Variants in IMMT observed in about 807,000 individuals in gnomAD.
The protein encoded by IMMT is MICOS complex subunit MIC60.
Under a neutral mutation model 92.7 loss-of-function variants are expected in IMMT, and 40 were observed. That is an observed-to-expected ratio of 0.43 (90% confidence interval 0.34 to 0.56). The LOEUF (loss-of-function observed/expected upper bound fraction) is 0.56, where lower values mean the gene tolerates loss of function less well. IMMT is among the 20% of genes least tolerant of loss of function. The pLI is 0.03. For missense variants in IMMT, 831 were observed against 912.1 expected (o/e 0.91, Z 1.14); for synonymous variants, 322 against 336.1 (o/e 0.96, Z 0.46).
intron 6 of IMMT, 52 bp downstream of exon 6, chr2:86,170,697 G>C: frequency 1.7e-6 from 2 of 1,172,384 alleles, no homozygotes; most frequent in Admixed American, 2.0e-5. Flanking sequence ...TTTAAGAAGA[G>C]AGCAACTGGG....
chr2:86,153,459 T>G (rs369667658), intron 11 of IMMT, 101 bp downstream of exon 11: 1 of 613,236 alleles, frequency 1.6e-6, no homozygotes, highest in African/African-American at 1.9e-5. Context: ...TTATATCTAT[T>G]TAGATGGCTT....
In IMMT at chr2:86,166,770, T is replaced by C. The variant is rs950829312; in HGVS notation, c.656-126A>G. On this transcript the variant is annotated intron_variant, in intron 6 of 14. Coordinates refer to ENST00000410111, the MANE Select transcript of IMMT (RefSeq NM_006839.3). ...AAAATTTAAAAAGGAACAAAATACATGAGACTCAAATTTAGGGAATCAAAG... is the reference window on the plus strand; with the variant it reads ...AAAATTTAAAAAGGAACAAAATACACGAGACTCAAATTTAGGGAATCAAAG... 4.5e-6 allele frequency: 4 copies of C among 885,168 alleles called. No homozygotes were observed. The South Asian group carries it at 5.9e-5, about 13-fold the overall frequency. The allele number at this position is 885,168 out of a possible 1,614,324, so 54.8% of individuals were successfully genotyped here.
At chr2:86,154,773 C>G (rs1675730756) in intron 10 of IMMT, among the ~76,000 whole-genome samples, 1 of 152,188 alleles carries the variant, frequency 6.6e-6, no homozygotes, top group South Asian at 2.1e-4. Context: ...ACAAGTATCA[C>G]AAGTACCCAG....
intron 6 of IMMT, among the ~76,000 whole-genome samples, chr2:86,167,871 A>T (rs1001356582): frequency 9.9e-5 from 15 of 152,160 alleles, no homozygotes; most frequent in Non-Finnish European, 7.4e-5. Context: ...ATGTATTTCA[A>T]ATGGGAGAAA....
At chr2:86,145,981 T>TACATGTACTGACATCAGG in intron 14 of IMMT, 87 bp downstream of exon 14, 3 of 1,088,626 alleles carry the variant, frequency 2.8e-6, no homozygotes, top group Non-Finnish European at 3.8e-6. Flanking sequence ...CTGATGTCAG[T>TACATGTACTGACATCAGG]ACATGTACCC....
chr2:86,189,360 G>A (rs1260040906), intron 1 of IMMT, among the ~76,000 whole-genome samples: 5 of 151,712 alleles, frequency 3.3e-5, no homozygotes, highest in Admixed American at 6.6e-5. Flanking sequence ...TCAGCCTCCC[G>A]GGCAGCTGGG....
chr2:86,183,897 C>G (rs549344787), intron 1 of IMMT, among the ~76,000 whole-genome samples: 1 of 152,272 alleles, frequency 6.6e-6, no homozygotes, highest in Non-Finnish European at 1.5e-5. Flanking sequence ...TAATTGTTAA[C>G]CAGCCCCTAT....
At position 86,195,393 on chromosome 2, in the gene IMMT, C is replaced by G. The variant is rs1376791797; in HGVS notation, c.-11G>C. 3 of 1,547,698 alleles carry G rather than the reference C, an allele frequency of 1.9e-6. No homozygotes were observed. The highest frequency in any genetic ancestry group is 1.7e-4 in the Middle Eastern group (1 of 5,882). On this transcript the variant is annotated 5_prime_UTR_variant, in exon 1 of 15. Coordinates refer to ENST00000410111, the MANE Select transcript of IMMT (RefSeq NM_006839.3). ...ACAGGCCCGCAGCATCTCGGTCAAG[C>G]GGACGGCGCTGCTGGTGGACTCGAG...
chr2:86,152,790 C>G (rs1334567573), intron 11 of IMMT, among the ~76,000 whole-genome samples: 2 of 151,814 alleles, frequency 1.3e-5, no homozygotes, highest in Non-Finnish European at 2.9e-5. Flanking sequence ...TCCATCACTT[C>G]TTAGTCTTTT....
chr2:86,146,304 T>C, intron 13 of IMMT, 107 bp from the exon 14 acceptor site: 1 of 836,748 alleles, frequency 1.2e-6, no homozygotes, highest in African/African-American at 1.7e-5. Context: ...GGCCTTAGAG[T>C]TGTCACGAAA....
chr2:86,149,738 T>A (rs769262710), intron 12 of IMMT, among the ~76,000 whole-genome samples: 8 of 151,886 alleles, frequency 5.3e-5, no homozygotes, highest in Non-Finnish European at 8.8e-5. Context: ...ATTAGCCACA[T>A]GTGGTGGCAT....
intron 12 of IMMT, among the ~76,000 whole-genome samples, chr2:86,150,012 T>C (rs1387587261): frequency 1.3e-5 from 2 of 152,052 alleles, no homozygotes; most frequent in East Asian, 3.9e-4. Context: ...GTAGGATCTG[T>C]GGGGCAACTG....
chr2:86,146,294 G>A (rs2104532214), intron 13 of IMMT, 97 bp from the exon 14 acceptor site: 1 of 1,022,066 alleles, frequency 9.8e-7, no homozygotes, highest in East Asian at 2.5e-5. Context: ...AAGCAAAGAG[G>A]GCCTTAGAGT....
At chr2:86,182,536 A>G (rs893951203) in intron 1 of IMMT, among the ~76,000 whole-genome samples, 1 of 152,256 alleles carries the variant, frequency 6.6e-6, no homozygotes, top group Non-Finnish European at 1.5e-5. Flanking sequence ...CTGGTATTAA[A>G]AAGTATTTCA....
intron 5 of IMMT, 143 bp from the exon 6 acceptor site, chr2:86,170,987 A>T (rs1202209964): frequency 2.8e-6 from 2 of 702,970 alleles, no homozygotes; most frequent in Admixed American, 5.6e-5. Flanking sequence ...AAACCATATC[A>T]TTACTCTTAA....
At position 86,179,445 on chromosome 2, in the gene IMMT, C is replaced by T. The variant is rs1204852475; in HGVS notation, c.297G>A (p.Leu99=). 6.3e-7 allele frequency: 1 copy of T among 1,587,908 alleles called. No individual in the cohort carries two copies. Among genetic ancestry groups the T allele is most frequent in the Non-Finnish European group, 8.5e-7 (1 of 1,171,676 alleles). ...VLGPAAYNVP[L]PKKSIQSGPL... is the part of the protein sequence containing the mutation. ...TTAAAACTCTTACCGATTTCTTTGG[C>T]AATGGAACATTATAAGCTGCAGGAC... Residue 99 remains leucine (L), a synonymous_variant, in exon 3 of 15, where the codon TTG becomes TTA. Transcript: ENST00000410111.
chr2:86,162,603 C>T (rs746735397), intron 7 of IMMT, among the ~76,000 whole-genome samples: 1 of 151,500 alleles, frequency 6.6e-6, no homozygotes, highest in Non-Finnish European at 1.5e-5. Flanking sequence ...CCCAGCACTT[C>T]GGGAGGCTGA....
Position 86,170,807 on chromosome 2 carries a change from A to G in IMMT, c.597T>C (p.Pro199=). ...GTGCAAGGCGAGCTGCAACTTCTTC[A>G]GGTGGTCGCTCCCTTATAGAAGATG... The part of the protein sequence containing the change: ...ASSSSIRERP[P]EEVAARLAQQ... The change falls in exon 6 of 15, where the codon CCT becomes CCC. Residue 199 remains proline, a synonymous_variant. Coordinates refer to ENST00000410111, the MANE Select transcript of IMMT (RefSeq NM_006839.3). 1.3e-6 allele frequency: 2 copies of G among 1,589,862 alleles called. No homozygotes were observed. The highest frequency in any genetic ancestry group is 1.7e-6 in the Non-Finnish European group (2 of 1,166,576).
intron 6 of IMMT, among the ~76,000 whole-genome samples, chr2:86,167,484 GTTTTTTT>G (rs66768832): frequency 1.6e-5 from 2 of 123,168 alleles, no homozygotes; most frequent in African/African-American, 6.5e-5. Flanking sequence ...TTTGTTTTTT[GTTTTTTT>G]TTTTTTTTTT....
Sources: gnomAD v4.1 joint callset for allele counts (sites outside exome capture counted in the v4.1 genomes callset) on GRCh38, gnomAD v4.1.1 for gene constraint, MANE v1.5 for transcripts, NCBI Gene and HGNC (gene_info 2026-07-23, HGNC 2026-07-21) for gene names.